DGKB: variants seen among roughly 807,000 people sequenced by gnomAD.
The protein encoded by DGKB is 90 kDa diacylglycerol kinase.
DGKB carries 67 observed loss-of-function variants against 114.3 expected under a neutral mutation model. That is an observed-to-expected ratio of 0.59 (90% confidence interval 0.48 to 0.72). DGKB has a LOEUF of 0.72. Among genes scored for constraint, DGKB ranks in the 30% least tolerant of loss-of-function variants. DGKB has a pLI of 0.00. For synonymous variants in DGKB, 398 were observed against 323.1 expected (o/e 1.23, Z -2.49); for missense variants, 907 against 975.2 (o/e 0.93, Z 0.93).
chr7:14,969,219 T>A (rs887703458), intron 1 of DGKB, among the ~76,000 whole-genome samples: 3 of 152,130 alleles, frequency 2.0e-5, no homozygotes, highest in Non-Finnish European at 4.4e-5. Flanking sequence ...TACTTTCAGA[T>A]CTTGCAAAAT....
intron 23 of DGKB, among the ~76,000 whole-genome samples, chr7:14,290,376 T>C (rs559730327): frequency 3.9e-5 from 6 of 152,196 alleles, no homozygotes; most frequent in Non-Finnish European, 8.8e-5. Context: ...TGAAAGCCTA[T>C]AAATTATGAG....
chr7:14,936,437 C>A (rs546212481), intron 1 of DGKB, among the ~76,000 whole-genome samples: 43 of 152,228 alleles, frequency 2.8e-4, no homozygotes, highest in African/African-American at 1.0e-3. Context: ...GGGCTTGGAA[C>A]CTTCTGAAGG....
At chr7:14,677,504 A>G (rs905761246) in intron 12 of DGKB, among the ~76,000 whole-genome samples, 45 of 152,004 alleles carry the variant, frequency 3.0e-4, no homozygotes, top group African/African-American at 8.2e-4. Context: ...GTATCTTAAT[A>G]AACAATATTA....
chr7:14,540,926 G>A (rs1192918269), intron 20 of DGKB, among the ~76,000 whole-genome samples: 1 of 152,052 alleles, frequency 6.6e-6, no homozygotes, highest in African/African-American at 2.4e-5. Flanking sequence ...TTTATAGTAT[G>A]GTAGGATATC....
chr7:14,544,072 A>C (rs552706284), intron 20 of DGKB, among the ~76,000 whole-genome samples: 97 of 152,242 alleles, frequency 6.4e-4, no homozygotes, highest in Non-Finnish European at 1.3e-3. Flanking sequence ...GAGAATCCAA[A>C]TCAGGAGATA....
chr7:14,241,466 A>G (rs1793628411), intron 23 of DGKB, among the ~76,000 whole-genome samples: 1 of 152,124 alleles, frequency 6.6e-6, no homozygotes. Context: ...TTAATATAAA[A>G]AACGACATAT....
intron 23 of DGKB, among the ~76,000 whole-genome samples, chr7:14,223,068 T>C (rs1437616781): frequency 6.6e-6 from 1 of 151,658 alleles, no homozygotes; most frequent in East Asian, 1.9e-4. Context: ...TAAATAGATC[T>C]TGTTTTTCCT....
chr7:14,462,122 A>G (rs550127846), intron 21 of DGKB, among the ~76,000 whole-genome samples: 70 of 152,324 alleles, frequency 4.6e-4, no homozygotes, highest in African/African-American at 1.5e-3. Flanking sequence ...AATAAGAGCT[A>G]TTTATGACAA....
intron 20 of DGKB, among the ~76,000 whole-genome samples, chr7:14,510,034 G>A (rs1414843191): frequency 6.6e-6 from 1 of 152,062 alleles, no homozygotes; most frequent in Non-Finnish European, 1.5e-5. Flanking sequence ...AAATTAGCCC[G>A]GCGTGGCGGC....
intron 2 of DGKB, among the ~76,000 whole-genome samples, chr7:14,822,341 C>A (rs1845062143): frequency 6.6e-6 from 1 of 151,780 alleles, no homozygotes; most frequent in African/African-American, 2.4e-5. Context: ...CAGGAACCAG[C>A]CAAGATTTAG....
At chr7:14,381,951 T>A (rs1819547831) in intron 21 of DGKB, among the ~76,000 whole-genome samples, 1 of 152,252 alleles carries the variant, frequency 6.6e-6, no homozygotes, top group African/African-American at 2.4e-5. Flanking sequence ...TTCTGCAAAG[T>A]TTTTGTTATA....
At chr7:14,719,815 A>T (rs1165053902) in intron 5 of DGKB, among the ~76,000 whole-genome samples, 2 of 152,186 alleles carry the variant, frequency 1.3e-5, no homozygotes, top group Non-Finnish European at 2.9e-5. Flanking sequence ...AATAAAGGGA[A>T]CTATTTACTG....
intron 25 of DGKB, among the ~76,000 whole-genome samples, chr7:14,149,734 C>T (rs1781902784): frequency 6.6e-6 from 1 of 151,798 alleles, no homozygotes; most frequent in Admixed American, 6.6e-5. Context: ...AACTGCAAGG[C>T]TTAATTTCCA....
At chr7:14,814,283 TTACAAC>T (rs1212498177) in intron 2 of DGKB, 1 of 152,248 alleles carries the variant, frequency 6.6e-6, no homozygotes, top group South Asian at 2.1e-4. Context: ...GCTACGACCA[TTACAAC>T]CACTTTATTA....
At chr7:14,813,297 C>A (rs1231084334) in intron 2 of DGKB, among the ~76,000 whole-genome samples, 1 of 152,068 alleles carries the variant, frequency 6.6e-6, no homozygotes, top group Non-Finnish European at 1.5e-5. Context: ...TTAATTTTTA[C>A]TTCAACTTCA....
intron 5 of DGKB, among the ~76,000 whole-genome samples, chr7:14,729,741 G>T (rs1830644077): frequency 6.6e-6 from 1 of 151,980 alleles, no homozygotes; most frequent in Non-Finnish European, 1.5e-5. Flanking sequence ...CACATAGTCA[G>T]TTCAAAAGTG....
At position 14,753,986 on chromosome 7, in the gene DGKB, G is replaced by T. The variant is rs758498381; in HGVS notation, c.148-38C>A. The T allele has an allele frequency of 2.9e-6, 4 of 1,393,154 alleles. No individual in the cohort carries two copies. In the South Asian group the frequency reaches 3.7e-5, roughly 13 times the overall value. 86.3% of individuals were successfully genotyped at this position (1,393,154 alleles called of 1,614,324 possible). On this transcript the variant is annotated intron_variant, in intron 3 of 25. Coordinates refer to ENST00000402815, the MANE Select transcript of DGKB (RefSeq NM_001350709.2). ...GGAAAGAAAGAATACATGTGTTAAT[G>T]TAAGATACTTTATACTCATTATCTC... is the stretch of plus-strand genomic sequence containing the variant.
intron 14 of DGKB, among the ~76,000 whole-genome samples, chr7:14,628,666 C>T (rs1007104470): frequency 3.9e-5 from 6 of 152,004 alleles, no homozygotes; most frequent in South Asian, 2.1e-4. Context: ...CCACATTTTC[C>T]GTTAACCAAG....
intron 1 of DGKB, among the ~76,000 whole-genome samples, chr7:14,898,430 C>T (rs899627831): frequency 6.6e-6 from 1 of 152,014 alleles, no homozygotes; most frequent in Non-Finnish European, 1.5e-5. Flanking sequence ...GTCACTTAAC[C>T]CTGTTGTCCT....
Sources: allele counts gnomAD v4.1 joint callset (sites outside exome capture counted in the v4.1 genomes callset), GRCh38; gene constraint gnomAD v4.1.1; transcripts MANE v1.5; gene names NCBI Gene and HGNC (gene_info 2026-07-23, HGNC 2026-07-21).